TSPAN18: variants seen among roughly 807,000 people sequenced by gnomAD.
TSPAN18 encodes the protein tetraspanin-18.
A neutral mutation model predicts 27.3 loss-of-function variants in TSPAN18; 14 were observed. The observed-to-expected ratio is 0.51, with a 90% CI of 0.34 to 0.80. TSPAN18 has a LOEUF of 0.80. Among genes scored for constraint, TSPAN18 ranks in the 30% least tolerant of loss-of-function variants. The pLI is 0.01. For synonymous variants in TSPAN18, 143 were observed against 136.5 expected (o/e 1.05, Z -0.33); for missense variants, 268 against 323.9 (o/e 0.83, Z 1.32).
chr11:44,761,891 G>A (rs1246304947), intron 1 of TSPAN18, among the ~76,000 whole-genome samples: 3 of 152,202 alleles, frequency 2.0e-5, no homozygotes, highest in South Asian at 2.1e-4. Context: ...GGACATCTGC[G>A]CCAGCCAAGT....
rs1859455515 is a variant in TSPAN18 at position 44,906,427 on chromosome 11, A to G, written c.11A>G (p.Asp4Gly). 6.2e-7 allele frequency: 1 copy of G among 1,614,094 alleles called. No homozygotes were observed. The highest frequency in any genetic ancestry group is 8.5e-7 in the Non-Finnish European group (1 of 1,179,996). Residue 4 changes from aspartate to glycine, a missense_variant, in exon 4 of 10, where the codon GAC becomes GGC. Transcript: ENST00000520358. MEG[D>G]CLSCMKYLMF... ...TCTAGGTGGAGCACCATGGAAGGCG[A>G]CTGTCTGAGCTGCATGAAGTATCTG...
intron 3 of TSPAN18, among the ~76,000 whole-genome samples, chr11:44,883,603 T>A (rs1439227384): frequency 6.6e-6 from 1 of 152,196 alleles, no homozygotes; most frequent in East Asian, 1.9e-4. Context: ...CTCTGCATGA[T>A]GTGTTCCCAG....
At chr11:44,779,528 C>T (rs894719146) in intron 2 of TSPAN18, among the ~76,000 whole-genome samples, 4 of 152,112 alleles carry the variant, frequency 2.6e-5, no homozygotes. Flanking sequence ...TGAAATTCAT[C>T]AATCTCATGG....
At chr11:44,782,699 C>T (rs1034369743) in intron 2 of TSPAN18, among the ~76,000 whole-genome samples, 3 of 152,164 alleles carry the variant, frequency 2.0e-5, no homozygotes, top group African/African-American at 7.2e-5. Context: ...GAGTTTTAGA[C>T]ATTCTAATAG....
At chr11:44,805,194 A>G (rs1283567422) in intron 2 of TSPAN18, among the ~76,000 whole-genome samples, 2 of 152,198 alleles carry the variant, frequency 1.3e-5, no homozygotes, top group Non-Finnish European at 2.9e-5. Flanking sequence ...AGACAAATCA[A>G]TGCCTGGGTG....
At chr11:44,807,192 T>TAAAAAAA (rs1046665098) in intron 2 of TSPAN18, among the ~76,000 whole-genome samples, 4 of 67,336 alleles carry the variant, frequency 5.9e-5, no homozygotes, top group African/African-American at 2.4e-4. Flanking sequence ...CCCTGTCTCT[T>TAAAAAAA]AAAAAAAAAA....
intron 2 of TSPAN18, among the ~76,000 whole-genome samples, chr11:44,783,961 ACCT>A (rs1212791265): frequency 2.0e-5 from 3 of 151,500 alleles, no homozygotes; most frequent in African/African-American, 4.9e-5. Flanking sequence ...CCAAAGGAAA[ACCT>A]CCTGGGACCC....
Position 44,920,026 on chromosome 11 carries a change from G to C in TSPAN18, c.615+27G>C, listed in dbSNP as rs1416304745. The stretch of plus-strand genomic sequence containing the variant: ...TACTGGCCCTGCTCTCCAGACAGGG[G>C]AGTGGGTCTATCGGGATTTGGGTGG... On this transcript the variant is annotated intron_variant, in intron 8 of 9. Coordinates refer to ENST00000520358, the MANE Select transcript of TSPAN18 (RefSeq NM_130783.5). The C allele has an allele frequency of 3.1e-6, 5 of 1,601,658 alleles. No individual in the cohort carries two copies. The East Asian group carries it at 8.9e-5, about 29-fold the overall frequency.
intron 3 of TSPAN18, among the ~76,000 whole-genome samples, chr11:44,863,563 C>G (rs1430458661): frequency 6.6e-6 from 1 of 152,202 alleles, no homozygotes; most frequent in African/African-American, 2.4e-5. Flanking sequence ...GAGCTTAGGG[C>G]TCATTTTCAC....
At chr11:44,913,518 C>A (rs1435334501) in intron 5 of TSPAN18, among the ~76,000 whole-genome samples, 1 of 151,842 alleles carries the variant, frequency 6.6e-6, no homozygotes. Flanking sequence ...TTTAAAAATT[C>A]TAATTTTAAA....
chr11:44,788,672 C>T (rs1036514943), intron 2 of TSPAN18, among the ~76,000 whole-genome samples: 1 of 152,096 alleles, frequency 6.6e-6, no homozygotes, highest in Non-Finnish European at 1.5e-5. Flanking sequence ...TGGTCTCTGT[C>T]TCCTGACCTT....
chr11:44,892,142 C>T (rs1049758396), intron 3 of TSPAN18, among the ~76,000 whole-genome samples: 1 of 152,168 alleles, frequency 6.6e-6, no homozygotes, highest in African/African-American at 2.4e-5. Flanking sequence ...TCCCCTGGTG[C>T]TTATACCATC....
chr11:44,927,757 T>C (rs1165150868), intron 9 of TSPAN18, among the ~76,000 whole-genome samples: 1 of 152,116 alleles, frequency 6.6e-6, no homozygotes, highest in Non-Finnish European at 1.5e-5. Flanking sequence ...CATGAAGGAA[T>C]AGCATGGGCC....
chr11:44,793,801 C>A (rs1415964834), intron 2 of TSPAN18, among the ~76,000 whole-genome samples: 2 of 152,218 alleles, frequency 1.3e-5, no homozygotes, highest in African/African-American at 4.8e-5. Context: ...CCTTCCCCAG[C>A]CATTTGACAA....
chr11:44,896,887 C>T (rs904322273), intron 3 of TSPAN18, among the ~76,000 whole-genome samples: 7 of 152,146 alleles, frequency 4.6e-5, no homozygotes, highest in East Asian at 1.9e-4. Flanking sequence ...ACTCAGTGTA[C>T]GTCTACTGAG....
chr11:44,899,371 T>C (rs1859175425), intron 3 of TSPAN18, among the ~76,000 whole-genome samples: 1 of 152,214 alleles, frequency 6.6e-6, no homozygotes, highest in African/African-American at 2.4e-5. Flanking sequence ...AGTCAGCCCA[T>C]GGTGAGAGGT....
At chr11:44,811,291 G>A (rs757624038) in intron 2 of TSPAN18, among the ~76,000 whole-genome samples, 12 of 151,850 alleles carry the variant, frequency 7.9e-5, no homozygotes, top group Admixed American at 2.0e-4. Flanking sequence ...GTTTTGTTTC[G>A]TTTTGTTTTT....
intron 3 of TSPAN18, among the ~76,000 whole-genome samples, chr11:44,889,733 G>A (rs759737207): frequency 1.4e-4 from 22 of 152,184 alleles, no homozygotes; most frequent in Admixed American, 9.8e-4. Flanking sequence ...ATAATTTTCA[G>A]CTTGCTTGGA....
At chr11:44,923,495 G>A (rs1244536933) in intron 8 of TSPAN18, among the ~76,000 whole-genome samples, 1 of 152,168 alleles carries the variant, frequency 6.6e-6, no homozygotes, top group African/African-American at 2.4e-5. Context: ...CAATCTCCAG[G>A]TGTGTAGATG....
Sources: allele counts gnomAD v4.1 joint callset (sites outside exome capture counted in the v4.1 genomes callset), GRCh38; gene constraint gnomAD v4.1.1; transcripts MANE v1.5; gene names NCBI Gene and HGNC (gene_info 2026-07-23, HGNC 2026-07-21).